Variants in ARHGAP36 observed in about 807,000 individuals in gnomAD.
ARHGAP36 encodes the protein rho GTPase-activating protein 36.
ARHGAP36 carries 7 observed loss-of-function variants against 32.9 expected under a neutral mutation model. The ratio of observed to expected loss-of-function variants is 0.21; its 90% CI spans 0.12 to 0.40. The LOEUF (loss-of-function observed/expected upper bound fraction) is 0.40, where lower values mean the gene tolerates loss of function less well. Ranked by LOEUF, ARHGAP36 falls within the 10% of genes least tolerant of loss-of-function variation. The pLI, the probability that ARHGAP36 is intolerant of heterozygous loss-of-function variation, is 1.00. For synonymous variants in ARHGAP36, 165 were observed against 168.3 expected, an observed-to-expected ratio of 0.98 and a Z score of 0.15; for missense variants, 383 against 442.2, an observed-to-expected ratio of 0.87 and a Z score of 1.20.
At chrX:131,066,813 G>A (rs1280730348) in intron 1 of ARHGAP36, among the ~76,000 whole-genome samples, 1 of 111,588 alleles carries the variant, frequency 9.0e-6, no homozygotes, top group African/African-American at 3.3e-5. Flanking sequence ...TGTAAAAATA[G>A]CAATAATTAT....
At chrX:131,072,631 T>TGA (rs2079739025) in intron 1 of ARHGAP36, among the ~76,000 whole-genome samples, 1 of 111,140 alleles carries the variant, frequency 9.0e-6, no homozygotes. Flanking sequence ...ACTTGTACTG[T>TGA]GAGATTGTGT....
chrX:131,074,815 T>A (rs2079752763), intron 1 of ARHGAP36, among the ~76,000 whole-genome samples: 1 of 111,690 alleles, frequency 9.0e-6, no homozygotes, highest in Non-Finnish European at 1.9e-5. Flanking sequence ...CATGGGTGGC[T>A]TCCATACTGT....
chrX:131,077,662 T>C (rs1168767029), intron 1 of ARHGAP36, among the ~76,000 whole-genome samples: 1 of 108,700 alleles, frequency 9.2e-6, no homozygotes, highest in Non-Finnish European at 1.9e-5. Context: ...TTTCCCCTTT[T>C]TGTATTGATG....
At chrX:131,070,076 G>A (rs2079725269) in intron 1 of ARHGAP36, among the ~76,000 whole-genome samples, 1 of 112,472 alleles carries the variant, frequency 8.9e-6, no homozygotes, top group South Asian at 3.7e-4. Flanking sequence ...AGGCACTGCA[G>A]GGATGGAGGG....
intron 1 of ARHGAP36, among the ~76,000 whole-genome samples, chrX:131,059,321 C>A (rs2079656558): frequency 9.2e-6 from 1 of 108,702 alleles, no homozygotes; most frequent in African/African-American, 3.4e-5. Context: ...CTTCACTCCC[C>A]CTTGATAATA....
rs1043586900 is a variant in ARHGAP36 at position 131,089,197 on chromosome X, C to G, written c.*412C>G. 7.9e-6 allele frequency: 1 copy of G among 126,262 alleles called. No homozygotes were observed. Among genetic ancestry groups the G allele is most frequent in the Non-Finnish European group, 1.6e-5 (1 of 62,951 alleles). The allele number at this position is 126,262 out of a possible 1,213,427, so 10.4% of individuals were successfully genotyped here. A position where few individuals can be genotyped will look rare whatever the true frequency, so the allele number is the denominator to read the frequency against. On this transcript the variant is annotated 3_prime_UTR_variant, in exon 12 of 12. Transcript: ENST00000276211. ...GCATGATTTCCCTGACTTTCCTACC[C>G]TCCTCCAGAGAGCTCAGTTGGAAAG... is the stretch of plus-strand genomic sequence containing the variant.
chrX:131,083,133 A>G, intron 2 of ARHGAP36, 32 bp from the exon 3 acceptor site: 1 of 1,184,026 alleles, frequency 8.4e-7, no homozygotes, highest in South Asian at 1.8e-5. Context: ...TCCTATTTGT[A>G]AGTGTATCTT....
Position 131,081,646 on chromosome X carries a change from G to C in ARHGAP36, c.-20G>C. The stretch of plus-strand genomic sequence containing the variant: ...AGTGACAATTGGATGATGCAGCCTT[G>C]ATAATCATCCGATTCCAGAATGGGT... On this transcript the variant is annotated 5_prime_UTR_variant, in exon 2 of 12. It removes the in-frame stop codon of an upstream open reading frame in the 5' UTR. Transcript: ENST00000276211. The C allele has an allele frequency of 1.7e-6, 2 of 1,200,155 alleles. No homozygotes were observed. Among genetic ancestry groups the C allele is most frequent in the Non-Finnish European group, 2.2e-6 (2 of 891,837 alleles).
chrX:131,058,853 C>T (rs1172682112), intron 1 of ARHGAP36, among the ~76,000 whole-genome samples: 1 of 113,276 alleles, frequency 8.8e-6, no homozygotes, highest in East Asian at 2.8e-4. Context: ...ATTCATTTTG[C>T]CTTGAAGTTC....
At chrX:131,081,981 G>A (rs894799704) in intron 2 of ARHGAP36, 63 bp downstream of exon 2, 8 of 1,166,801 alleles carry the variant, frequency 6.9e-6, no homozygotes, top group South Asian at 1.9e-5. Context: ...CGGGCAGGAC[G>A]GGGCGGATTA....
At chrX:131,084,877 G>T in intron 6 of ARHGAP36, 37 bp from the exon 7 acceptor site, 6 of 1,205,669 alleles carry the variant, frequency 5.0e-6, no homozygotes, top group Non-Finnish European at 6.7e-6. Flanking sequence ...AGCTGTGGTG[G>T]GCCAGGCAGA....
At chrX:131,063,239 C>T (rs1463071771) in intron 1 of ARHGAP36, among the ~76,000 whole-genome samples, 1 of 111,574 alleles carries the variant, frequency 9.0e-6, no homozygotes, top group Non-Finnish European at 1.9e-5. Flanking sequence ...GCTACTGTCA[C>T]GTCTCAGATA....
chrX:131,068,172 C>T (rs1444125943), intron 1 of ARHGAP36, among the ~76,000 whole-genome samples: 1 of 111,985 alleles, frequency 8.9e-6, no homozygotes, highest in Non-Finnish European at 1.9e-5. Flanking sequence ...AAAACGTGCT[C>T]CGCGCACACA....
In ARHGAP36 at chrX:131,081,751, T is replaced by C; in HGVS notation, c.86T>C (p.Ile29Thr). ...MPPLLLLSAF[I>T]FLVSVLGGAP... ...CCTTTGCTGTTGTTGTCCGCCTTCA[T>C]TTTTTTAGTGAGTGTCTTGGGAGGA... Residue 29 changes from isoleucine (I) to threonine (T), a missense_variant, in exon 2 of 12, where the codon ATT (isoleucine) becomes ACT (threonine). Physicochemically the swap from Ile to Thr is moderately conservative, Grantham distance 89. This residue lies in a region of ARHGAP36 where 156 missense variants were observed against 131.0 expected (regional missense o/e 1.19). Transcript: ENST00000276211. The C allele has an allele frequency of 1.7e-6, 2 of 1,211,862 alleles. No homozygotes were observed. Among genetic ancestry groups the C allele is most frequent in the Non-Finnish European group, 2.2e-6 (2 of 895,437 alleles).
intron 1 of ARHGAP36, among the ~76,000 whole-genome samples, chrX:131,070,279 G>A (rs750016297): frequency 1.8e-5 from 2 of 112,400 alleles, no homozygotes; most frequent in Non-Finnish European, 3.8e-5. Flanking sequence ...TGGCCAGCTA[G>A]AGGGTGATTC....
intron 5 of ARHGAP36, 82 bp from the exon 6 acceptor site, chrX:131,084,544 G>T (rs1169799703): frequency 1.7e-5 from 20 of 1,151,534 alleles, no homozygotes; most frequent in Non-Finnish European, 2.4e-5. Context: ...AGGTCGCGAT[G>T]CAGTAGGGGG....
chrX:131,086,495 G>A (rs1441901938), intron 10 of ARHGAP36, 64 bp from the exon 11 acceptor site: 2 of 1,200,266 alleles, frequency 1.7e-6, no homozygotes, highest in Non-Finnish European at 2.3e-6. Context: ...TCCAACTCCA[G>A]ACTATCTTTA....
intron 1 of ARHGAP36, among the ~76,000 whole-genome samples, chrX:131,061,089 C>G (rs2079665700): frequency 1.8e-5 from 2 of 111,201 alleles, no homozygotes; most frequent in South Asian, 7.6e-4. Context: ...TCCTTCACCC[C>G]CATTCCCCTT....
chrX:131,083,652 G>A (rs1001074939), intron 3 of ARHGAP36, 82 bp from the exon 4 acceptor site: 1 of 983,573 alleles, frequency 1.0e-6, no homozygotes, highest in South Asian at 2.0e-5. Flanking sequence ...TTGCTGGGAG[G>A]AGTGCTACAG....
Sources: gnomAD v4.1 joint callset for allele counts (sites outside exome capture counted in the v4.1 genomes callset) on GRCh38, gnomAD v4.1.1 for gene constraint, gnomAD v4.1.1 regional missense constraint, MANE v1.5 for transcripts, NCBI Gene and HGNC (gene_info 2026-07-23, HGNC 2026-07-21) for gene names.